RNF111: variants seen among roughly 807,000 people sequenced by gnomAD.
RNF111 encodes E3 ubiquitin-protein ligase Arkadia.
RNF111 carries 17 observed loss-of-function variants against 95.1 expected under a neutral mutation model. That is an observed-to-expected ratio of 0.18 (90% CI 0.12 to 0.27). The LOEUF (loss-of-function observed/expected upper bound fraction) is 0.27, where lower values mean the gene tolerates loss of function less well. Ranked by LOEUF, RNF111 falls within the 10% of genes least tolerant of loss-of-function variation. The pLI is 1.00. For missense variants in RNF111, 1,189 were observed against 1,210.4 expected, an observed-to-expected ratio of 0.98 and a Z score of 0.26; for synonymous variants, 440 against 414.8, an observed-to-expected ratio of 1.06 and a Z score of -0.74.
intron 6 of RNF111, among the ~76,000 whole-genome samples, chr15:59,067,866 G>A (rs147043681): frequency 1.7e-4 from 26 of 152,232 alleles, no homozygotes; most frequent in African/African-American, 6.0e-4. Flanking sequence ...CTTCTCATTT[G>A]CAGACCTGTA....
At chr15:58,997,807 T>TC (rs1280025999) in intron 1 of RNF111, among the ~76,000 whole-genome samples, 1 of 150,066 alleles carries the variant, frequency 6.7e-6, no homozygotes, top group Non-Finnish European at 1.5e-5. Flanking sequence ...AGTGTGAGAC[T>TC]CCATCTCAAA....
chr15:59,022,847 T>A (rs1231498892), intron 1 of RNF111, among the ~76,000 whole-genome samples: 1 of 152,196 alleles, frequency 6.6e-6, no homozygotes, highest in Non-Finnish European at 1.5e-5. Context: ...TAGGTTTTAC[T>A]TTGGATCTGA....
chr15:59,016,096 A>T (rs2040051681), intron 1 of RNF111, among the ~76,000 whole-genome samples: 1 of 151,776 alleles, frequency 6.6e-6, no homozygotes, highest in South Asian at 2.1e-4. Context: ...CTTGGCCTCC[A>T]AGAGTGCTAG....
chr15:59,029,988 C>G (rs2040826133), intron 1 of RNF111, among the ~76,000 whole-genome samples: 1 of 152,158 alleles, frequency 6.6e-6, no homozygotes, highest in Non-Finnish European at 1.5e-5. Context: ...CATTTTGAGT[C>G]ATGATATTTA....
intron 1 of RNF111, among the ~76,000 whole-genome samples, chr15:58,996,320 C>T (rs553088977): frequency 1.1e-4 from 16 of 152,192 alleles, no homozygotes; most frequent in African/African-American, 3.6e-4. Flanking sequence ...TACCTATAAT[C>T]CCAGCACTTC....
intron 2 of RNF111, among the ~76,000 whole-genome samples, chr15:59,040,158 A>T (rs1477444047): frequency 2.6e-5 from 4 of 151,720 alleles, no homozygotes; most frequent in Non-Finnish European, 5.9e-5. Context: ...TCTGTTGCCT[A>T]GGCTGGAGAG....
chr15:59,055,885 T>G, intron 4 of RNF111, 40 bp downstream of exon 4: 2 of 1,518,500 alleles, frequency 1.3e-6, no homozygotes, highest in South Asian at 1.3e-5. Flanking sequence ...ATGAAAGGAG[T>G]TTGATAAAAG....
At chr15:59,016,297 G>A (rs1313280177) in intron 1 of RNF111, among the ~76,000 whole-genome samples, 1 of 151,928 alleles carries the variant, frequency 6.6e-6, no homozygotes, top group Non-Finnish European at 1.5e-5. Flanking sequence ...AGCCACTCGA[G>A]TAGCTGGGAC....
intron 1 of RNF111, among the ~76,000 whole-genome samples, chr15:59,016,821 A>C (rs1390903566): frequency 6.6e-6 from 1 of 152,116 alleles, no homozygotes; most frequent in Non-Finnish European, 1.5e-5. Flanking sequence ...ATCTATATTT[A>C]CAGCCAGTCC....
intron 13 of RNF111, 54 bp from the exon 14 acceptor site, chr15:59,094,729 A>G: frequency 3.2e-6 from 3 of 942,258 alleles, no homozygotes; most frequent in East Asian, 2.4e-5. Context: ...TTTGTTAACT[A>G]CGTACAATTA....
intron 2 of RNF111, chr15:59,049,725 C>G (rs1160066362): frequency 6.6e-6 from 1 of 151,004 alleles, no homozygotes; most frequent in African/African-American, 2.5e-5. Flanking sequence ...GAACAGTAGC[C>G]ATTTTCTTTT....
chr15:59,022,195 A>G (rs2040379573), intron 1 of RNF111, among the ~76,000 whole-genome samples: 1 of 152,170 alleles, frequency 6.6e-6, no homozygotes, highest in African/African-American at 2.4e-5. Flanking sequence ...ATATTTTATA[A>G]GACTAATTAA....
At chr15:59,065,579 G>A (rs1213600998) in intron 5 of RNF111, among the ~76,000 whole-genome samples, 1 of 152,176 alleles carries the variant, frequency 6.6e-6, no homozygotes, top group Non-Finnish European at 1.5e-5. Context: ...AGATTCATTT[G>A]ACTCCATGTT....
At chr15:59,046,704 A>G (rs371998265) in intron 2 of RNF111, among the ~76,000 whole-genome samples, 2 of 152,342 alleles carry the variant, frequency 1.3e-5, no homozygotes, top group East Asian at 3.9e-4. Flanking sequence ...ATCACAATCC[A>G]TAAAAGAAGT....
chr15:59,056,282 G>A (rs1463523851), intron 4 of RNF111, among the ~76,000 whole-genome samples: 3 of 151,980 alleles, frequency 2.0e-5, no homozygotes, highest in Non-Finnish European at 2.9e-5. Context: ...CAATATTATC[G>A]GTACCTTTTT....
chr15:59,087,290 A>G (rs1270474462), intron 10 of RNF111, among the ~76,000 whole-genome samples: 1 of 152,238 alleles, frequency 6.6e-6, no homozygotes, highest in Non-Finnish European at 1.5e-5. Context: ...TGATAATACT[A>G]TGCTTTGAAC....
chr15:59,090,113 C>T (rs1566946685), intron 11 of RNF111, among the ~76,000 whole-genome samples: 2 of 152,166 alleles, frequency 1.3e-5, no homozygotes, highest in Non-Finnish European at 2.9e-5. Context: ...GAAAAAGAAA[C>T]TTAAGTAATT....
At chr15:58,997,891 GT>G (rs1418826050) in intron 1 of RNF111, among the ~76,000 whole-genome samples, 3 of 150,226 alleles carry the variant, frequency 2.0e-5, no homozygotes, top group African/African-American at 7.3e-5. Context: ...TGTTTTTTTT[GT>G]TTTTCTTTTT....
At chr15:59,029,566 A>G (rs1480296264) in intron 1 of RNF111, among the ~76,000 whole-genome samples, 1 of 152,242 alleles carries the variant, frequency 6.6e-6, no homozygotes, top group Non-Finnish European at 1.5e-5. Context: ...GTTATATACT[A>G]TAGTAACATG....
Sources: gnomAD v4.1 joint callset for allele counts (sites outside exome capture counted in the v4.1 genomes callset) on GRCh38, gnomAD v4.1.1 for gene constraint, MANE v1.5 for transcripts, NCBI Gene and HGNC (gene_info 2026-07-23, HGNC 2026-07-21) for gene names.